The following LMBR1 variants were observed in gnomAD, a reference collection of about 807,000 sequenced individuals.
LMBR1 encodes the protein limb development membrane protein 1.
Under a neutral mutation model 73.9 loss-of-function variants are expected in LMBR1, and 52 were observed. That is an observed-to-expected ratio of 0.70 (90% CI 0.56 to 0.89). The LOEUF is 0.89. LMBR1 is among the 40% of genes least tolerant of loss of function. LMBR1 has a pLI of 0.00. For missense variants in LMBR1, 539 were observed against 579.8 expected (o/e 0.93, Z 0.72); for synonymous variants, 215 against 209.4 (o/e 1.03, Z -0.23).
At chr7:156,879,885 C>G (rs1800805059) in intron 1 of LMBR1, among the ~76,000 whole-genome samples, 1 of 152,166 alleles carries the variant, frequency 6.6e-6, no homozygotes, top group African/African-American at 2.4e-5. Flanking sequence ...AAAGGGAACA[C>G]TTCTACACTG....
chr7:156,737,388 C>T (rs1818078510), intron 9 of LMBR1, among the ~76,000 whole-genome samples: 1 of 152,082 alleles, frequency 6.6e-6, no homozygotes, highest in East Asian at 1.9e-4. Flanking sequence ...GGATCTTTGT[C>T]CCCAGTGTTC....
chr7:156,872,321 T>A (rs1586371633), intron 1 of LMBR1: 6 of 151,914 alleles, frequency 3.9e-5, no homozygotes, highest in Admixed American at 3.9e-4. Context: ...AGTAAAACAA[T>A]CTCATTTACA....
chr7:156,845,874 T>C (rs1265408917), intron 1 of LMBR1, among the ~76,000 whole-genome samples: 1 of 151,478 alleles, frequency 6.6e-6, no homozygotes, highest in Non-Finnish European at 1.5e-5. Flanking sequence ...TAAGACAAAG[T>C]AGGGCACTTA....
At chr7:156,862,649 C>T (rs1037531475) in intron 1 of LMBR1, among the ~76,000 whole-genome samples, 1 of 152,104 alleles carries the variant, frequency 6.6e-6, no homozygotes. Context: ...AATGAAAGGA[C>T]AAGCCACAGA....
chr7:156,762,937 CTTA>C (rs1221229332), intron 7 of LMBR1, among the ~76,000 whole-genome samples, 168 bp downstream of exon 7: 1 of 151,748 alleles, frequency 6.6e-6, no homozygotes, highest in Non-Finnish European at 1.5e-5. Context: ...ATAAAAGCAT[CTTA>C]TTATTTCAAA....
intron 4 of LMBR1, among the ~76,000 whole-genome samples, chr7:156,817,492 CAGAGAGAGAG>C (rs72370655): frequency 3.4e-5 from 5 of 146,854 alleles, no homozygotes; most frequent in African/African-American, 7.5e-5. Context: ...TAAAAAGAGA[CAGAGAGAGAG>C]AGAGAGAGAG....
intron 4 of LMBR1, among the ~76,000 whole-genome samples, chr7:156,815,773 G>A (rs1423933403): frequency 6.6e-6 from 1 of 152,054 alleles, no homozygotes; most frequent in East Asian, 1.9e-4. Context: ...CTCTCAAATT[G>A]TTGTAACCAT....
intron 1 of LMBR1, among the ~76,000 whole-genome samples, chr7:156,873,151 C>T (rs77699436): frequency 6.6e-6 from 1 of 152,066 alleles, no homozygotes; most frequent in Admixed American, 6.5e-5. Context: ...CTTAAGGTGG[C>T]GCGTCTGGAG....
chr7:156,832,751 G>T (rs1187080365), intron 3 of LMBR1, among the ~76,000 whole-genome samples: 1 of 152,082 alleles, frequency 6.6e-6, no homozygotes, highest in Non-Finnish European at 1.5e-5. Context: ...CCTCAGCAAA[G>T]GATGCATAAT....
intron 4 of LMBR1, among the ~76,000 whole-genome samples, chr7:156,818,322 G>A (rs1162069255): frequency 6.6e-6 from 1 of 152,156 alleles, no homozygotes; most frequent in East Asian, 1.9e-4. Context: ...AGTCCTTGCA[G>A]TGACTTGTCG....
chr7:156,880,042 C>A (rs1030468229), intron 1 of LMBR1, among the ~76,000 whole-genome samples: 3 of 152,210 alleles, frequency 2.0e-5, no homozygotes, highest in African/African-American at 4.8e-5. Flanking sequence ...AAAAAAGATA[C>A]TTGCATACAC....
chr7:156,884,004 C>G, intron 1 of LMBR1, among the ~76,000 whole-genome samples: 1 of 152,218 alleles, frequency 6.6e-6, no homozygotes, highest in East Asian at 1.9e-4. Flanking sequence ...AGAGGGGAAG[C>G]TGATTTAACC....
At position 156,866,141 on chromosome 7, in the gene LMBR1, T is replaced by C. The variant is rs1798421955; in HGVS notation, c.66+26787A>G. Among the ~76,000 whole-genome samples, 3 of 151,854 alleles carry C rather than the reference T, an allele frequency of 2.0e-5. No individual in the cohort carries two copies. The South Asian group carries it at 6.2e-4, about 31-fold the overall frequency. ...TCCTACAATCAAGAAAGTAAAAAGATGACCCATAGAATAGAAAATACTTGG... is the reference window on the plus strand; with the variant it reads ...TCCTACAATCAAGAAAGTAAAAAGACGACCCATAGAATAGAAAATACTTGG... On this transcript the variant is annotated intron_variant, in intron 1 of 16. Transcript: ENST00000353442.
intron 1 of LMBR1, among the ~76,000 whole-genome samples, chr7:156,879,377 C>G (rs1236744564): frequency 1.3e-5 from 2 of 152,088 alleles, no homozygotes; most frequent in Non-Finnish European, 2.9e-5. Flanking sequence ...AAAAAGTGGG[C>G]TAACTGGCCG....
intron 8 of LMBR1, among the ~76,000 whole-genome samples, chr7:156,759,771 T>C (rs979850347): frequency 3.0e-4 from 46 of 151,358 alleles, no homozygotes; most frequent in African/African-American, 1.0e-3. Context: ...TATAGAAGGG[T>C]GCGACTGGCA....
chr7:156,788,079 C>T (rs1300845980), intron 5 of LMBR1, among the ~76,000 whole-genome samples: 1 of 152,040 alleles, frequency 6.6e-6, no homozygotes, highest in Non-Finnish European at 1.5e-5. Flanking sequence ...TGGCCTAGTA[C>T]TCCATTTCCT....
intron 9 of LMBR1, among the ~76,000 whole-genome samples, chr7:156,750,310 G>A (rs1820635021): frequency 6.6e-6 from 1 of 152,058 alleles, no homozygotes; most frequent in African/African-American, 2.4e-5. Context: ...GTGTGTGTGT[G>A]TGTGTATCCT....
intron 4 of LMBR1, chr7:156,823,602 G>GC (rs1489177394): frequency 3.9e-5 from 6 of 152,266 alleles, no homozygotes; most frequent in Non-Finnish European, 8.8e-5. Context: ...AATGCAGGTA[G>GC]CAAGTCACTG....
intron 1 of LMBR1, among the ~76,000 whole-genome samples, chr7:156,881,242 A>G (rs905858230): frequency 6.6e-6 from 1 of 152,216 alleles, no homozygotes; most frequent in African/African-American, 2.4e-5. Flanking sequence ...CACAACGGGG[A>G]AAGAAAAATG....
Sources: allele counts gnomAD v4.1 joint callset (sites outside exome capture counted in the v4.1 genomes callset), GRCh38; gene constraint gnomAD v4.1.1; transcripts MANE v1.5; gene names NCBI Gene and HGNC (gene_info 2026-07-23, HGNC 2026-07-21).